Variants in PLB1 observed in about 807,000 individuals in gnomAD.
PLB1 encodes phospholipase B1, also known as phospholipase B1, membrane-associated.
A neutral mutation model predicts 227.4 loss-of-function variants in PLB1; 242 were observed. The observed-to-expected ratio is 1.06, with a 90% confidence interval of 0.96 to 1.18. PLB1 has a LOEUF of 1.18. Ranked by LOEUF, PLB1 falls within the 50% of genes most tolerant of loss-of-function variation. The probability of loss-of-function intolerance (pLI) is 0.00; values close to 1 mark genes in which losing one functional copy is unlikely to be tolerated. For synonymous variants in PLB1, 757 were observed against 682.2 expected (o/e 1.11, Z -1.71); for missense variants, 1,858 against 1,816.3 (o/e 1.02, Z -0.42).
chr2:28,626,430 C>A lies in PLB1; in HGVS notation c.3582C>A (p.Asp1194Glu). 6.2e-7 allele frequency: 1 copy of A among 1,613,866 alleles called. No homozygotes were observed. The highest frequency in any genetic ancestry group is 8.5e-7 in the Non-Finnish European group (1 of 1,179,728). Reference protein sequence around the residue: ...DLVERMKNSPDINLEKDWKLV... With the variant: ...DLVERMKNSPEINLEKDWKLV... ...CTCAGGATCTTCTGTCCCCTCAGGA[C>A]ATCAACCTGGAGAAAGACTGGAAGC... is the stretch of plus-strand genomic sequence containing the variant. The change falls in exon 51 of 58, where the codon GAC (aspartate) becomes GAA (glutamate). Residue 1194 changes from aspartate to glutamate, a missense_variant and splice_region_variant. Transcript: ENST00000327757.
At chr2:28,525,388 G>C (rs1670104576) in intron 5 of PLB1, 81 bp downstream of exon 5, 2 of 1,476,386 alleles carry the variant, frequency 1.4e-6, no homozygotes, top group Non-Finnish European at 1.9e-6. Context: ...TAATGGGAAA[G>C]ATTGGAGGCC....
intron 21 of PLB1, among the ~76,000 whole-genome samples, chr2:28,576,190 T>G (rs1273322995): frequency 6.6e-6 from 1 of 152,146 alleles, no homozygotes; most frequent in Non-Finnish European, 1.5e-5. Context: ...GGGTTATTAT[T>G]CCCGTATTAC....
At position 28,581,482 on chromosome 2, in the gene PLB1, CAAAAAAATAAATAAATAAAT is replaced by C. The variant is rs1241893221; in HGVS notation, c.1567-582_1567-563del. 2.3e-3 allele frequency among the ~76,000 whole-genome samples: 136 copies of C among 58,310 alleles called. 4 individuals carry two copies. The highest frequency in any genetic ancestry group is 0.011 in the African/African-American group (124 of 11,472). 38.3% of individuals were successfully genotyped at this position (58,310 alleles called of 152,430 possible). ...TATGGAGTAGATCCAGAGCTCCACG[CAAAAAAATAAATAAATAAAT>C]AAATAAATAAATAAATAAATAAATA... On this transcript the variant is annotated intron_variant, in intron 23 of 57. Coordinates refer to ENST00000327757, the MANE Select transcript of PLB1 (RefSeq NM_153021.5).
At chr2:28,604,349 C>G (rs777230706) in intron 40 of PLB1, among the ~76,000 whole-genome samples, 3 of 152,356 alleles carry the variant, frequency 2.0e-5, no homozygotes, top group Admixed American at 6.5e-5. Context: ...TTCCCTCCCC[C>G]ACTCCCACTC....
chr2:28,607,801 G>T (rs35349450), intron 43 of PLB1, among the ~76,000 whole-genome samples: 14,162 of 152,058 alleles, frequency 0.093, 738 homozygotes, highest in Non-Finnish European at 0.11. Context: ...TTGTAGATAT[G>T]TCAATATTTT....
At chr2:28,552,633 C>A (rs1156871731) in intron 16 of PLB1, among the ~76,000 whole-genome samples, 2 of 152,166 alleles carry the variant, frequency 1.3e-5, no homozygotes, top group African/African-American at 4.8e-5. Flanking sequence ...AGGAGCAAGT[C>A]TGTGGGGCAG....
chr2:28,504,236 T>G (rs1667405606), intron 1 of PLB1, among the ~76,000 whole-genome samples: 1 of 152,226 alleles, frequency 6.6e-6, no homozygotes, highest in Non-Finnish European at 1.5e-5. Context: ...CTTTCTACAC[T>G]GCATTCTAAG....
At chr2:28,639,119 A>G (rs1689703071) in intron 56 of PLB1, among the ~76,000 whole-genome samples, 1 of 151,896 alleles carries the variant, frequency 6.6e-6, no homozygotes, top group African/African-American at 2.4e-5. Context: ...TAGAGAAAGA[A>G]TAGGTAGGTA....
chr2:28,629,345 G>C (rs974040582), intron 53 of PLB1, among the ~76,000 whole-genome samples, 160 bp downstream of exon 53: 1 of 152,218 alleles, frequency 6.6e-6, no homozygotes, highest in Non-Finnish European at 1.5e-5. Context: ...CTCTACATTT[G>C]CAAATGCCTA....
chr2:28,541,860 TGG>T (rs1672541074), intron 13 of PLB1, 49 bp downstream of exon 13: 3 of 1,462,682 alleles, frequency 2.1e-6, no homozygotes, highest in Non-Finnish European at 1.9e-6. Context: ...GGGCCGGGCA[TGG>T]TGGCTCACTC....
chr2:28,545,525 C>T (rs185748440), intron 14 of PLB1, among the ~76,000 whole-genome samples: 3 of 152,280 alleles, frequency 2.0e-5, no homozygotes, highest in Non-Finnish European at 4.4e-5. Flanking sequence ...GCTCTGATTT[C>T]GGTCCCACTT....
chr2:28,560,362 G>A (rs1675862112), intron 17 of PLB1, among the ~76,000 whole-genome samples: 1 of 152,168 alleles, frequency 6.6e-6, no homozygotes. Context: ...TATGGCTTAA[G>A]AAATTCTAGG....
At chr2:28,618,442 A>C in intron 46 of PLB1, 43 bp downstream of exon 46, 1 of 1,585,598 alleles carries the variant, frequency 6.3e-7, no homozygotes, top group South Asian at 1.1e-5. Flanking sequence ...CTCAGAGTCC[A>C]GCCAGGCCCT....
At chr2:28,596,961 T>G (rs1467239458) in intron 33 of PLB1, among the ~76,000 whole-genome samples, 2 of 152,162 alleles carry the variant, frequency 1.3e-5, no homozygotes, top group Non-Finnish European at 2.9e-5. Context: ...TAAGGCCACG[T>G]TCTTAAAATC....
chr2:28,562,560 G>T (rs1366762885), intron 17 of PLB1, among the ~76,000 whole-genome samples: 10 of 42,084 alleles, frequency 2.4e-4, no homozygotes, highest in African/African-American at 3.2e-4. Context: ...AAAAAAAAAA[G>T]TCAGTGGCAT....
intron 1 of PLB1, among the ~76,000 whole-genome samples, chr2:28,511,061 AC>A (rs928585041): frequency 1.3e-5 from 2 of 152,186 alleles, no homozygotes; most frequent in African/African-American, 4.8e-5. Flanking sequence ...GATAACATGC[AC>A]CCTTGACTTA....
chr2:28,626,216 G>T (rs992569836), intron 50 of PLB1, among the ~76,000 whole-genome samples: 1 of 151,954 alleles, frequency 6.6e-6, no homozygotes, highest in African/African-American at 2.4e-5. Flanking sequence ...GGCTGGTCTC[G>T]AACTCCTGAC....
chr2:28,536,393 T>C (rs951458891), intron 9 of PLB1, among the ~76,000 whole-genome samples: 27 of 152,018 alleles, frequency 1.8e-4, no homozygotes, highest in African/African-American at 6.3e-4. Flanking sequence ...TATTAATTAG[T>C]AAGATTTTAA....
chr2:28,599,022 C>T (rs982939082), intron 35 of PLB1, among the ~76,000 whole-genome samples: 1 of 152,218 alleles, frequency 6.6e-6, no homozygotes, highest in Non-Finnish European at 1.5e-5. Context: ...TTGGACGAAT[C>T]GACTAACCTT....
Sources: gnomAD v4.1 joint callset for allele counts (sites outside exome capture counted in the v4.1 genomes callset) on GRCh38, gnomAD v4.1.1 for gene constraint, MANE v1.5 for transcripts, NCBI Gene and HGNC (gene_info 2026-07-23, HGNC 2026-07-21) for gene names.